FMN1: variants seen among roughly 807,000 people sequenced by gnomAD.
FMN1 encodes the protein formin-1.
In FMN1, 110 loss-of-function variants were observed where a neutral mutation model predicts 132.4. The ratio of observed to expected loss-of-function variants is 0.83; its 90% CI spans 0.71 to 0.97. FMN1 has a LOEUF of 0.97. Ranked by LOEUF, FMN1 falls within the 50% of genes least tolerant of loss-of-function variation. FMN1 has a pLI of 0.00. For missense variants in FMN1, 1,792 were observed against 1,705.3 expected (o/e 1.05, Z -0.90); for synonymous variants, 722 against 651.7 (o/e 1.11, Z -1.64).
At chr15:32,830,979 G>C (rs945887930) in intron 17 of FMN1, among the ~76,000 whole-genome samples, 54 of 151,978 alleles carry the variant, frequency 3.6e-4, no homozygotes, top group Admixed American at 3.4e-3. Context: ...ATAATCTCCC[G>C]CCACTTACTC....
chr15:33,081,982 T>A (rs984636637), intron 5 of FMN1, among the ~76,000 whole-genome samples: 4 of 151,668 alleles, frequency 2.6e-5, no homozygotes, highest in African/African-American at 9.7e-5. Context: ...GGGATTGTGA[T>A]GAGCCTTGGA....
chr15:33,149,623 T>C (rs1198702567), intron 4 of FMN1, among the ~76,000 whole-genome samples: 1 of 152,188 alleles, frequency 6.6e-6, no homozygotes, highest in Non-Finnish European at 1.5e-5. Flanking sequence ...CAACATACTT[T>C]ATGTCAACTT....
At chr15:32,829,212 T>A (rs892746718) in intron 17 of FMN1, among the ~76,000 whole-genome samples, 1 of 152,182 alleles carries the variant, frequency 6.6e-6, no homozygotes, top group Non-Finnish European at 1.5e-5. Flanking sequence ...AAATACCCAA[T>A]AACAAAAATT....
chr15:33,103,580 T>C (rs2039373583), intron 4 of FMN1, among the ~76,000 whole-genome samples: 1 of 152,114 alleles, frequency 6.6e-6, no homozygotes, highest in South Asian at 2.1e-4. Flanking sequence ...ACAAATGTGT[T>C]CTCTAATTTT....
chr15:32,899,785 G>GAAAAA lies in FMN1; in HGVS notation c.3654+189_3654+193dup, dbSNP rs4041540. 440 of 547,246 alleles carry GAAAAA rather than the reference G, an allele frequency of 8.0e-4. No individual in the cohort carries two copies. In the South Asian group the frequency reaches 0.01, roughly 12 times the overall value. 33.9% of individuals were successfully genotyped at this position (547,246 alleles called of 1,614,324 possible). Reference sequence around the variant, plus strand: ...AGTAATTGAAAATAAAGTCTAACGTGAAAAAAAAAAACCAAACAAAACTCT... The same window carrying GAAAAA: ...AGTAATTGAAAATAAAGTCTAACGTGAAAAAAAAAAAAAAAACCAAACAAAACTCT... On this transcript the variant is annotated intron_variant, in intron 14 of 20. Coordinates refer to ENST00000616417, the MANE Select transcript of FMN1 (RefSeq NM_001277313.2).
chr15:32,924,459 T>G (rs2060907918), intron 10 of FMN1, among the ~76,000 whole-genome samples: 1 of 152,216 alleles, frequency 6.6e-6, no homozygotes, highest in Admixed American at 6.5e-5. Flanking sequence ...TCAGGACCTA[T>G]GGGTATTCTG....
At chr15:33,138,310 A>C (rs1169945904) in intron 4 of FMN1, among the ~76,000 whole-genome samples, 1 of 150,652 alleles carries the variant, frequency 6.6e-6, no homozygotes, top group Non-Finnish European at 1.5e-5. Flanking sequence ...TGTATCACCG[A>C]CTCTTGGCTC....
chr15:33,080,887 C>CAA (rs34365750), intron 5 of FMN1, among the ~76,000 whole-genome samples: 2,148 of 119,852 alleles, frequency 0.018, 55 homozygotes, highest in African/African-American at 0.059. Flanking sequence ...AACTCCGTCT[C>CAA]AAAAAAAAAA....
intron 4 of FMN1, among the ~76,000 whole-genome samples, chr15:33,127,056 G>C (rs1478048123): frequency 6.6e-6 from 1 of 151,762 alleles, no homozygotes; most frequent in Non-Finnish European, 1.5e-5. Flanking sequence ...GACATATTAA[G>C]CTTTCTGCTG....
Position 32,767,693 on chromosome 15 carries a change from A to G in FMN1, c.*6617T>C, listed in dbSNP as rs1248353892. 1.3e-5 allele frequency: 2 copies of G among 152,226 alleles called. No homozygotes were observed. Among genetic ancestry groups the G allele is most frequent in the Non-Finnish European group, 2.9e-5 (2 of 68,028 alleles). The allele number at this position is 152,226 out of a possible 1,614,324, so 9.4% of individuals were successfully genotyped here. On this transcript the variant is annotated 3_prime_UTR_variant, in exon 21 of 21. Transcript: ENST00000616417. ...TCTTTGAAGATAAGACATCTAGCTG[A>G]CAGTAGGGTCATATTACTTATGCCT...
chr15:33,066,087 A>C (rs145558244), intron 5 of FMN1, among the ~76,000 whole-genome samples: 2,839 of 152,298 alleles, frequency 0.019, 59 homozygotes, highest in South Asian at 0.092. Context: ...TCACACCACA[A>C]ACACATATTT....
intron 17 of FMN1, among the ~76,000 whole-genome samples, chr15:32,805,697 A>G (rs1409449520): frequency 6.6e-6 from 1 of 152,088 alleles, no homozygotes; most frequent in Non-Finnish European, 1.5e-5. Context: ...AGATCACGAC[A>G]TGTGGTCCCT....
chr15:32,828,286 A>C (rs1417972780), intron 17 of FMN1, among the ~76,000 whole-genome samples: 1 of 152,226 alleles, frequency 6.6e-6, no homozygotes, highest in Admixed American at 6.5e-5. Context: ...AAAGAGACAA[A>C]GTAATTAGAT....
At chr15:32,934,810 T>C (rs1480126023) in intron 9 of FMN1, among the ~76,000 whole-genome samples, 2 of 152,028 alleles carry the variant, frequency 1.3e-5, no homozygotes, top group Non-Finnish European at 2.9e-5. Context: ...TTTCACCATG[T>C]GGGCCAGGCT....
intron 17 of FMN1, among the ~76,000 whole-genome samples, chr15:32,830,451 C>T (rs182272171): frequency 8.5e-5 from 13 of 152,098 alleles, no homozygotes; most frequent in African/African-American, 2.9e-4. Flanking sequence ...CCTGTTTTCA[C>T]CTCTAGATGA....
intron 6 of FMN1, among the ~76,000 whole-genome samples, chr15:33,018,968 C>G (rs1164499556): frequency 6.6e-6 from 1 of 152,018 alleles, no homozygotes; most frequent in Non-Finnish European, 1.5e-5. Context: ...CAATGTGGGC[C>G]CAAAGGAGTG....
chr15:33,158,146 T>C (rs1373087709), intron 3 of FMN1, among the ~76,000 whole-genome samples: 1 of 152,118 alleles, frequency 6.6e-6, no homozygotes, highest in African/African-American at 2.4e-5. Flanking sequence ...ACAGCTGGTA[T>C]AGGCAGTAAA....
intron 3 of FMN1, among the ~76,000 whole-genome samples, chr15:33,173,908 A>G (rs984062854): frequency 3.3e-5 from 5 of 152,156 alleles, no homozygotes; most frequent in African/African-American, 1.2e-4. Flanking sequence ...CAGCCTGGGC[A>G]GCAAGCCTCT....
intron 4 of FMN1, among the ~76,000 whole-genome samples, chr15:33,131,130 G>C (rs1485497036): frequency 3.3e-5 from 5 of 152,026 alleles, no homozygotes; most frequent in Admixed American, 1.3e-4. Flanking sequence ...AGGAATTTGA[G>C]ACCAGCCTGG....
Sources: allele counts gnomAD v4.1 joint callset (sites outside exome capture counted in the v4.1 genomes callset), GRCh38; gene constraint gnomAD v4.1.1; transcripts MANE v1.5; gene names NCBI Gene and HGNC (gene_info 2026-07-23, HGNC 2026-07-21).